The following FDFT1 variants were observed in gnomAD, a reference collection of about 807,000 sequenced individuals.
FDFT1 encodes squalene synthase.
FDFT1 carries 68 observed loss-of-function variants against 46.8 expected under a neutral mutation model. The ratio of observed to expected loss-of-function variants is 1.45; its 90% CI spans 1.19 to 1.78. The LOEUF (loss-of-function observed/expected upper bound fraction) is 1.78, where lower values mean the gene tolerates loss of function less well. Among genes scored for constraint, FDFT1 ranks in the 40% most tolerant of loss-of-function variants. The pLI is 0.00. For missense variants in FDFT1, 928 were observed against 524.4 expected (o/e 1.77, Z -7.52); for synonymous variants, 351 against 185.1 (o/e 1.90, Z -7.28).
rs764954065 is a variant in FDFT1 at position 11,838,395 on chromosome 8, A to T, written c.1040A>T (p.His347Leu). 6.2e-7 allele frequency: 1 copy of T among 1,613,392 alleles called. No homozygotes were observed. The highest frequency in any genetic ancestry group is 8.5e-7 in the Non-Finnish European group (1 of 1,179,340). ...IIYQYMEEIY[H>L]RIPDSDPSSS... ...TTCCTGTGTCTTTAACAGATTTATC[A>T]TAGAATCCCCGACTCAGACCCATCT... Residue 347 changes from histidine (H) to leucine (L), a missense_variant, in exon 8 of 8, where the codon CAT becomes CTT. Coordinates refer to ENST00000220584, the MANE Select transcript of FDFT1 (RefSeq NM_004462.5).
intron 1 of FDFT1, among the ~76,000 whole-genome samples, chr8:11,806,534 A>AGGAG (rs1806860555): frequency 6.6e-6 from 1 of 152,160 alleles, no homozygotes; most frequent in East Asian, 1.9e-4. Context: ...CTGTATGGAA[A>AGGAG]GGAGGGGTAG....
chr8:11,838,297 A>G (rs1811817605), intron 7 of FDFT1, 91 bp from the exon 8 acceptor site: 3 of 971,892 alleles, frequency 3.1e-6, no homozygotes, highest in African/African-American at 3.2e-5. Context: ...TAAAATGGGT[A>G]TAAAATACCT....
At chr8:11,807,807 T>C (rs1317065670) in intron 1 of FDFT1, 1 of 152,232 alleles carries the variant, frequency 6.6e-6, no homozygotes, top group Non-Finnish European at 1.5e-5. Context: ...AGAGGCTTAA[T>C]AGGTGTCATA....
At position 11,809,886 on chromosome 8, in the gene FDFT1, G is replaced by T. The variant is rs1476869624; in HGVS notation, c.381+36G>T. 3 of 1,542,466 alleles carry T rather than the reference G, an allele frequency of 1.9e-6. No individual in the cohort carries two copies. In the South Asian group the frequency reaches 3.5e-5, roughly 18 times the overall value. ...TTACGCATCTTGTCTACGGACTGTTGTGTTCATAATTGCTAACGTGGTTGT... is the reference window on the plus strand; with the variant it reads ...TTACGCATCTTGTCTACGGACTGTTTTGTTCATAATTGCTAACGTGGTTGT... On this transcript the variant is annotated intron_variant, in intron 3 of 7. Transcript: ENST00000220584.
intron 4 of FDFT1, among the ~76,000 whole-genome samples, chr8:11,822,805 G>C (rs1029544913): frequency 5.9e-5 from 9 of 152,174 alleles, no homozygotes; most frequent in African/African-American, 2.2e-4. Flanking sequence ...GACAGAGCAA[G>C]ACACCATCTG....
chr8:11,818,607 A>G (rs1808792624), intron 3 of FDFT1, among the ~76,000 whole-genome samples: 1 of 152,054 alleles, frequency 6.6e-6, no homozygotes, highest in African/African-American at 2.4e-5. Flanking sequence ...TCCCTTTACC[A>G]TTATGTAGTG....
intron 4 of FDFT1, among the ~76,000 whole-genome samples, chr8:11,824,746 G>A (rs958686694): frequency 5.3e-5 from 8 of 152,058 alleles, no homozygotes; most frequent in Non-Finnish European, 1.0e-4. Flanking sequence ...TTCTGTTGTT[G>A]TTGTTTTGAG....
At chr8:11,830,928 C>T (rs182526790) in intron 6 of FDFT1, among the ~76,000 whole-genome samples, 27 of 152,272 alleles carry the variant, frequency 1.8e-4, no homozygotes, top group Admixed American at 1.1e-3. Flanking sequence ...AAGAAAGTAA[C>T]AGCATTTAAC....
At chr8:11,825,848 G>C (rs983048849) in intron 4 of FDFT1, among the ~76,000 whole-genome samples, 176 bp from the exon 5 acceptor site, 2 of 152,130 alleles carry the variant, frequency 1.3e-5, no homozygotes, top group Non-Finnish European at 2.9e-5. Context: ...GAAATGTTTT[G>C]AGCACATCCT....
chr8:11,827,064 C>T (rs576952224), intron 5 of FDFT1, among the ~76,000 whole-genome samples: 6 of 152,166 alleles, frequency 3.9e-5, no homozygotes, highest in Non-Finnish European at 8.8e-5. Context: ...GCTTTTGATA[C>T]TGATTTTGTT....
exon 1 of FDFT1, chr8:11,795,635 A>G (rs1162856791): frequency 2.0e-5 from 3 of 151,598 alleles, no homozygotes; most frequent in African/African-American, 7.3e-5. Context: ...TGTTTGCAAT[A>G]AATTTTAATA....
intron 3 of FDFT1, among the ~76,000 whole-genome samples, chr8:11,820,603 C>A (rs1313374226): frequency 6.6e-6 from 1 of 152,192 alleles, no homozygotes; most frequent in African/African-American, 2.4e-5. Context: ...TCACCAAGCT[C>A]CAGCATCCCA....
chr8:11,807,845 A>T (rs1807059831), intron 1 of FDFT1: 1 of 152,272 alleles, frequency 6.6e-6, no homozygotes, highest in African/African-American at 2.4e-5. Flanking sequence ...CAGTGGTAGT[A>T]AAACGGCAAA....
At chr8:11,825,370 C>T (rs983598707) in intron 4 of FDFT1, among the ~76,000 whole-genome samples, 5 of 151,814 alleles carry the variant, frequency 3.3e-5, no homozygotes, top group Admixed American at 6.6e-5. Flanking sequence ...GGTGAAACCC[C>T]GTCTCTACTA....
intron 4 of FDFT1, among the ~76,000 whole-genome samples, chr8:11,823,910 A>G (rs1375581141): frequency 6.6e-6 from 1 of 151,954 alleles, no homozygotes; most frequent in African/African-American, 2.4e-5. Context: ...CACCAGGCTA[A>G]TTTTTGTAAT....
At chr8:11,797,307 G>C (rs928367019), upstream of FDFT1, among the ~76,000 whole-genome samples, 8 of 152,170 alleles carry the variant, frequency 5.3e-5, no homozygotes, top group African/African-American at 1.9e-4. Context: ...TATAGTGTCT[G>C]GCTGTTATCC....
In FDFT1 at chr8:11,808,899, A is replaced by T. The variant is rs771450056; in HGVS notation, c.197+8A>T. The T allele has an allele frequency of 6.2e-7, 1 of 1,612,624 alleles. No individual in the cohort carries two copies. The highest frequency in any genetic ancestry group is 8.5e-7 in the Non-Finnish European group (1 of 1,179,430). On this transcript the variant is annotated splice_region_variant and intron_variant, in intron 2 of 7. Transcript: ENST00000220584. Reference sequence around the variant, plus strand: ...GCTGGATGGGGAAATGCGGTGAGTGATGGAGGCAGCGCCTCTGGCTTGGAG... The same window carrying T: ...GCTGGATGGGGAAATGCGGTGAGTGTTGGAGGCAGCGCCTCTGGCTTGGAG...
chr8:11,803,597 T>C (rs1806425740), intron 1 of FDFT1: 1 of 652,108 alleles, frequency 1.5e-6, no homozygotes, highest in Non-Finnish European at 2.1e-6. Flanking sequence ...GGAGGTGTTT[T>C]TATTCCAACA....
chr8:11,835,390 G>C (rs537925527), intron 7 of FDFT1, among the ~76,000 whole-genome samples: 1 of 152,304 alleles, frequency 6.6e-6, no homozygotes, highest in African/African-American at 2.4e-5. Flanking sequence ...AGTGACTGCA[G>C]CTCTTCCAGT....
Sources: gnomAD v4.1 joint callset for allele counts (sites outside exome capture counted in the v4.1 genomes callset) on GRCh38, gnomAD v4.1.1 for gene constraint, MANE v1.5 for transcripts, NCBI Gene and HGNC (gene_info 2026-07-23, HGNC 2026-07-21) for gene names.